The following PTPRG variants were observed in gnomAD, a reference collection of about 807,000 sequenced individuals.
The protein encoded by PTPRG is protein tyrosine phosphatase receptor type G.
In PTPRG, 102 loss-of-function variants were observed where a neutral mutation model predicts 165.3. The observed-to-expected ratio is 0.62, with a 90% CI of 0.53 to 0.73. The LOEUF is 0.73. PTPRG is among the 30% of genes least tolerant of loss of function. The pLI is 0.00. For synonymous variants in PTPRG, 675 were observed against 669.5 expected (o/e 1.01, Z -0.13); for missense variants, 1,866 against 1,861.4 (o/e 1.00, Z -0.05).
intron 4 of PTPRG, among the ~76,000 whole-genome samples, chr3:62,045,411 G>A (rs1160252480): frequency 6.6e-6 from 1 of 152,158 alleles, no homozygotes; most frequent in African/African-American, 2.4e-5. Flanking sequence ...ACCGCCCTTA[G>A]CCAAGAAACA....
chr3:61,975,111 T>C (rs1172732534), intron 2 of PTPRG, among the ~76,000 whole-genome samples: 1 of 152,194 alleles, frequency 6.6e-6, no homozygotes, highest in African/African-American at 2.4e-5. Context: ...GGTAGTATTG[T>C]CAGGAGCAAA....
chr3:62,086,080 T>G (rs1267872323), intron 5 of PTPRG, among the ~76,000 whole-genome samples: 1 of 152,194 alleles, frequency 6.6e-6, no homozygotes, highest in Non-Finnish European at 1.5e-5. Context: ...AAGTTTCGAC[T>G]TGTAAATTTT....
intron 4 of PTPRG, among the ~76,000 whole-genome samples, chr3:62,018,547 A>G (rs1435057511): frequency 1.3e-5 from 2 of 152,236 alleles, no homozygotes; most frequent in African/African-American, 4.8e-5. Flanking sequence ...GTTAGTCTCA[A>G]AAATGCCTGA....
At chr3:61,771,905 C>G (rs1305970800) in intron 2 of PTPRG, among the ~76,000 whole-genome samples, 1 of 151,506 alleles carries the variant, frequency 6.6e-6, no homozygotes, top group African/African-American at 2.4e-5. Flanking sequence ...ACTAAAAATA[C>G]AAAAATTAAC....
chr3:61,698,123 T>TTAA (rs1352540983), intron 1 of PTPRG, among the ~76,000 whole-genome samples: 2 of 152,308 alleles, frequency 1.3e-5, no homozygotes, highest in Non-Finnish European at 2.9e-5. Context: ...CACATAAAAC[T>TTAA]TACATTAAAT....
At chr3:61,949,419 T>A (rs1271714380) in intron 2 of PTPRG, among the ~76,000 whole-genome samples, 1 of 152,142 alleles carries the variant, frequency 6.6e-6, no homozygotes, top group African/African-American at 2.4e-5. Flanking sequence ...AAATTAATTA[T>A]GTAGAGGAGA....
At position 61,959,618 on chromosome 3, in the gene PTPRG, G is replaced by T. The variant is rs190247499; in HGVS notation, c.191-30007G>T. Among the ~76,000 whole-genome samples the T allele has an allele frequency of 3.3e-5, 5 of 152,336 alleles. No homozygotes were observed. In the East Asian group the frequency reaches 9.7e-4, roughly 29 times the overall value. The stretch of plus-strand genomic sequence containing the variant: ...GGAGGAGCAGAAATGATTGTTGGAA[G>T]CAAGTGATTGGTATCTGCATGCAAC... On this transcript the variant is annotated intron_variant, in intron 2 of 29. Coordinates refer to ENST00000474889, the MANE Select transcript of PTPRG (RefSeq NM_002841.4).
At chr3:61,778,597 C>T (rs1470666945) in intron 2 of PTPRG, among the ~76,000 whole-genome samples, 2 of 152,084 alleles carry the variant, frequency 1.3e-5, no homozygotes, top group East Asian at 1.9e-4. Context: ...TGCCCCCAGA[C>T]CCTATTCTCC....
intron 2 of PTPRG, among the ~76,000 whole-genome samples, chr3:61,841,141 C>A (rs2036620567): frequency 6.6e-6 from 1 of 151,984 alleles, no homozygotes; most frequent in Admixed American, 6.6e-5. Context: ...CCAACTTTAA[C>A]AATGAAAAAA....
At chr3:62,020,560 A>G (rs915676061) in intron 4 of PTPRG, among the ~76,000 whole-genome samples, 1 of 152,238 alleles carries the variant, frequency 6.6e-6, no homozygotes, top group Non-Finnish European at 1.5e-5. Flanking sequence ...TGAAATGCCA[A>G]TATGACTTCA....
intron 2 of PTPRG, among the ~76,000 whole-genome samples, chr3:61,889,431 T>A (rs975890206): frequency 2.0e-5 from 3 of 152,238 alleles, no homozygotes; most frequent in Non-Finnish European, 4.4e-5. Context: ...TTGTGTTATA[T>A]ATCCATGACC....
At chr3:62,177,767 C>T (rs760561020) in intron 8 of PTPRG, among the ~76,000 whole-genome samples, 4 of 152,200 alleles carry the variant, frequency 2.6e-5, no homozygotes, top group Non-Finnish European at 4.4e-5. Context: ...CTTCATAACT[C>T]AGCGCAAGGG....
intron 4 of PTPRG, among the ~76,000 whole-genome samples, 179 bp from the exon 5 acceptor site, chr3:62,077,984 C>G (rs999324332): frequency 1.5e-5 from 2 of 133,422 alleles, no homozygotes; most frequent in Non-Finnish European, 1.5e-5. Flanking sequence ...GGCAACAGAG[C>G]GAGACCTTAT....
At chr3:61,706,730 TC>T (rs1559566159) in intron 1 of PTPRG, among the ~76,000 whole-genome samples, 1 of 152,236 alleles carries the variant, frequency 6.6e-6, no homozygotes, top group Admixed American at 6.5e-5. Flanking sequence ...CCTCAGGTGA[TC>T]CACCCGCCTC....
intron 4 of PTPRG, among the ~76,000 whole-genome samples, chr3:62,074,063 T>C (rs139122303): frequency 3.6e-3 from 553 of 152,294 alleles, no homozygotes; most frequent in Middle Eastern, 0.01. Context: ...CTAATAATTA[T>C]TCTGTGATTA....
intron 8 of PTPRG, among the ~76,000 whole-genome samples, chr3:62,188,879 A>G (rs868250768): frequency 1.1e-4 from 16 of 152,298 alleles, no homozygotes; most frequent in African/African-American, 3.6e-4. Flanking sequence ...AAGCTTCCCA[A>G]TATGTACATC....
At chr3:61,816,903 T>A (rs2035778854) in intron 2 of PTPRG, among the ~76,000 whole-genome samples, 1 of 148,782 alleles carries the variant, frequency 6.7e-6, no homozygotes, top group South Asian at 2.1e-4. Flanking sequence ...TAGGGATAAT[T>A]TACTGGTAAA....
At chr3:61,847,166 C>G (rs536594384) in intron 2 of PTPRG, among the ~76,000 whole-genome samples, 1 of 152,084 alleles carries the variant, frequency 6.6e-6, no homozygotes, top group African/African-American at 2.4e-5. Flanking sequence ...TGATGCCATA[C>G]GGGAGTAGAA....
intron 4 of PTPRG, among the ~76,000 whole-genome samples, chr3:62,012,599 A>G (rs909858409): frequency 3.3e-5 from 5 of 152,120 alleles, no homozygotes; most frequent in African/African-American, 1.2e-4. Flanking sequence ...GTAATTTTTT[A>G]TAAGTTTTAA....
Sources: gnomAD v4.1 joint callset for allele counts (sites outside exome capture counted in the v4.1 genomes callset) on GRCh38, gnomAD v4.1.1 for gene constraint, MANE v1.5 for transcripts, NCBI Gene and HGNC (gene_info 2026-07-23, HGNC 2026-07-21) for gene names.